Variants in MAGI2 observed in about 807,000 individuals in gnomAD.
MAGI2 encodes the protein membrane-associated guanylate kinase, WW and PDZ domain-containing protein 2.
A neutral mutation model predicts 133.3 loss-of-function variants in MAGI2; 35 were observed. The ratio of observed to expected loss-of-function variants is 0.26; its 90% CI spans 0.20 to 0.35. The LOEUF is 0.35. MAGI2 is among the 10% of genes least tolerant of loss of function. The pLI, the probability that MAGI2 is intolerant of heterozygous loss-of-function variation, is 1.00. For missense variants in MAGI2, 1,636 were observed against 1,863.4 expected (o/e 0.88, Z 2.25); for synonymous variants, 729 against 710.6 (o/e 1.03, Z -0.41).
At chr7:78,643,676 G>T (rs537614900) in intron 2 of MAGI2, among the ~76,000 whole-genome samples, 1 of 151,938 alleles carries the variant, frequency 6.6e-6, no homozygotes, top group Non-Finnish European at 1.5e-5. Context: ...GATAAGAGAT[G>T]GTTTAAAGTA....
Position 78,450,513 on chromosome 7 carries a change from C to T in MAGI2, c.1045+39248G>A, listed in dbSNP as rs77372879. Among the ~76,000 whole-genome samples, 35 of 152,204 alleles carry T rather than the reference C, an allele frequency of 2.3e-4. No homozygotes were observed. In the East Asian group the frequency reaches 6.0e-3, roughly 26 times the overall value. ...TTGAATGCAGCATGCACAAAGCACA[C>T]GCCTCATTGTGATGAAAGTGTTTTT... On this transcript the variant is annotated intron_variant, in intron 6 of 21. Transcript: ENST00000354212.
intron 2 of MAGI2, among the ~76,000 whole-genome samples, chr7:78,879,909 C>T (rs1359374674): frequency 2.6e-5 from 4 of 152,082 alleles, no homozygotes; most frequent in Admixed American, 6.6e-5. Flanking sequence ...CAAAACTTCA[C>T]TTAAGGAATT....
At chr7:79,435,437 G>A (rs1232244732) in intron 1 of MAGI2, among the ~76,000 whole-genome samples, 3 of 152,000 alleles carry the variant, frequency 2.0e-5, no homozygotes, top group African/African-American at 7.3e-5. Context: ...ATAATTTATT[G>A]GGATATGAAA....
chr7:79,063,959 A>C (rs1218840681), intron 1 of MAGI2, among the ~76,000 whole-genome samples: 1 of 152,110 alleles, frequency 6.6e-6, no homozygotes, highest in Admixed American at 6.6e-5. Flanking sequence ...GAGTTCTGGC[A>C]TAGAGATCAC....
At chr7:79,257,520 C>T (rs1241864335) in intron 1 of MAGI2, among the ~76,000 whole-genome samples, 2 of 152,202 alleles carry the variant, frequency 1.3e-5, no homozygotes, top group African/African-American at 4.8e-5. Context: ...AATTTATCAG[C>T]TTGAATGGCT....
chr7:79,305,204 G>A (rs1837688685), intron 1 of MAGI2, among the ~76,000 whole-genome samples: 1 of 152,084 alleles, frequency 6.6e-6, no homozygotes, highest in Non-Finnish European at 1.5e-5. Context: ...TAGTAGAGCA[G>A]ATTTTTCAAA....
At chr7:78,581,948 C>CG (rs1436354340) in intron 3 of MAGI2, among the ~76,000 whole-genome samples, 1 of 152,084 alleles carries the variant, frequency 6.6e-6, no homozygotes, top group Non-Finnish European at 1.5e-5. Context: ...TCCTTTCCTC[C>CG]GGGTATATGG....
intron 1 of MAGI2, among the ~76,000 whole-genome samples, chr7:79,186,209 TA>T (rs1334060817): frequency 2.1e-3 from 8 of 3,796 alleles, no homozygotes; most frequent in Non-Finnish European, 0.017. Context: ...TATATATATA[TA>T]TATATATATA....
At chr7:78,077,978 C>G (rs1258388797) in intron 21 of MAGI2, 1 of 151,774 alleles carries the variant, frequency 6.6e-6, no homozygotes, top group African/African-American at 2.4e-5. Context: ...ATCCGCCTGC[C>G]TAGGCCTCCC....
intron 7 of MAGI2, among the ~76,000 whole-genome samples, chr7:78,362,285 G>A (rs1034519600): frequency 1.3e-5 from 2 of 152,310 alleles, no homozygotes; most frequent in Non-Finnish European, 2.9e-5. Flanking sequence ...CTGGGAGACA[G>A]AGCGAGACTC....
At chr7:78,499,795 T>C (rs1794456476) in intron 5 of MAGI2, among the ~76,000 whole-genome samples, 1 of 152,234 alleles carries the variant, frequency 6.6e-6, no homozygotes, top group Non-Finnish European at 1.5e-5. Context: ...ATCAGCTTCC[T>C]TATTCCGAAC....
chr7:79,145,441 T>C (rs1450513655), intron 1 of MAGI2, among the ~76,000 whole-genome samples: 1 of 152,162 alleles, frequency 6.6e-6, no homozygotes, highest in Non-Finnish European at 1.5e-5. Flanking sequence ...ATGTCATCCT[T>C]GAGCTGGGAA....
intron 1 of MAGI2, among the ~76,000 whole-genome samples, chr7:79,297,445 G>A (rs1168189302): frequency 2.0e-5 from 3 of 152,072 alleles, no homozygotes; most frequent in Non-Finnish European, 4.4e-5. Context: ...TCCCATGTGA[G>A]AACTATCATC....
At chr7:79,447,211 G>A (rs1848915843) in intron 1 of MAGI2, among the ~76,000 whole-genome samples, 1 of 151,850 alleles carries the variant, frequency 6.6e-6, no homozygotes, top group African/African-American at 2.4e-5. Flanking sequence ...TGATGATATG[G>A]ACATTGTACT....
At position 78,557,706 on chromosome 7, in the gene MAGI2, A is replaced by T. The variant is rs185452740; in HGVS notation, c.539-36061T>A. ...AGTGACAACCCCATAGATATGGAAC[A>T]AAAGTTTTCTTGTTACAGCCCTCCA... On this transcript the variant is annotated intron_variant, in intron 3 of 21. Transcript: ENST00000354212. 4.3e-4 allele frequency among the ~76,000 whole-genome samples: 65 copies of T among 152,320 alleles called. 1 individual carries two copies. The highest frequency in any genetic ancestry group is 4.1e-3 in the Admixed American group (62 of 15,290).
chr7:79,137,324 T>C (rs1821671993), intron 1 of MAGI2, among the ~76,000 whole-genome samples: 2 of 152,114 alleles, frequency 1.3e-5, no homozygotes, highest in African/African-American at 4.8e-5. Context: ...CATGTAACTC[T>C]CTAATGGCCA....
intron 10 of MAGI2, among the ~76,000 whole-genome samples, chr7:78,206,153 A>C (rs1829707121): frequency 6.6e-6 from 1 of 152,194 alleles, no homozygotes; most frequent in South Asian, 2.1e-4. Flanking sequence ...TTATTTTCAC[A>C]GGGCAAAAAG....
chr7:79,390,944 C>T (rs1436371806), intron 1 of MAGI2, among the ~76,000 whole-genome samples: 1 of 152,080 alleles, frequency 6.6e-6, no homozygotes, highest in Non-Finnish European at 1.5e-5. Flanking sequence ...GGCTCATGGC[C>T]CAGAATAAAC....
intron 3 of MAGI2, among the ~76,000 whole-genome samples, chr7:78,621,533 A>G (rs1807737513): frequency 6.6e-6 from 1 of 151,978 alleles, no homozygotes; most frequent in Non-Finnish European, 1.5e-5. Context: ...CCCCCAGGCA[A>G]TTCACATGCA....
Sources: allele counts gnomAD v4.1 joint callset (sites outside exome capture counted in the v4.1 genomes callset), GRCh38; gene constraint gnomAD v4.1.1; transcripts MANE v1.5; gene names NCBI Gene and HGNC (gene_info 2026-07-23, HGNC 2026-07-21).